The following PAK2 variants were observed in gnomAD, a reference collection of about 807,000 sequenced individuals.
The protein encoded by PAK2 is serine/threonine-protein kinase PAK 2.
A neutral mutation model predicts 65.9 loss-of-function variants in PAK2; 21 were observed. The ratio of observed to expected loss-of-function variants is 0.32; its 90% confidence interval spans 0.23 to 0.46. PAK2 has a LOEUF of 0.46. Ranked by LOEUF, PAK2 falls within the 20% of genes least tolerant of loss-of-function variation. The probability of loss-of-function intolerance (pLI) is 1.00; values close to 1 mark genes in which losing one functional copy is unlikely to be tolerated. For missense variants in PAK2, 324 were observed against 642.6 expected (o/e 0.50, Z 5.36); for synonymous variants, 204 against 219.7 (o/e 0.93, Z 0.63).
intron 1 of PAK2, among the ~76,000 whole-genome samples, chr3:196,763,615 G>C (rs995736272): frequency 6.6e-6 from 1 of 152,150 alleles, no homozygotes; most frequent in African/African-American, 2.4e-5. Flanking sequence ...GACAGTAAAA[G>C]AAGTATTTGA....
chr3:196,827,420 T>A (rs1478840758), intron 14 of PAK2, 87 bp downstream of exon 14: 6 of 1,532,478 alleles, frequency 3.9e-6, no homozygotes, highest in East Asian at 2.3e-5. Flanking sequence ...TAAGTAGATT[T>A]CACTACTCAT....
chr3:196,761,429 C>T (rs182511733), intron 1 of PAK2, among the ~76,000 whole-genome samples: 25,939 of 65,628 alleles, frequency 0.4, 5,286 homozygotes, highest in Non-Finnish European at 0.45. Context: ...TCCATTTAAC[C>T]CTGAGTGGAC....
chr3:196,830,742 C>T lies in PAK2; in HGVS notation c.*2337C>T, dbSNP rs1016704527. 6.6e-6 allele frequency: 1 copy of T among 152,102 alleles called. No individual in the cohort carries two copies. Among genetic ancestry groups the T allele is most frequent in the African/African-American group, 2.4e-5 (1 of 41,414 alleles). The allele number at this position is 152,102 out of a possible 1,614,324, so 9.4% of individuals were successfully genotyped here. On this transcript the variant is annotated 3_prime_UTR_variant, in exon 15 of 15. Transcript: ENST00000327134. ...TTCTTAAGTTACGTGGATAAACTAA[C>T]CTCTAACAGAAATATACTTTGGTTA...
chr3:196,827,175 A>G (rs369114655), intron 13 of PAK2, 21 bp from the exon 14 acceptor site: 3 of 1,561,114 alleles, frequency 1.9e-6, no homozygotes, highest in Admixed American at 1.8e-5. Flanking sequence ...AAGTGGATCA[A>G]AGATGTTCTT....
At chr3:196,785,118 A>T (rs762171266) in intron 2 of PAK2, 1 of 152,200 alleles carries the variant, frequency 6.6e-6, no homozygotes. Flanking sequence ...CCCAGATGAT[A>T]ATGATGTGCA....
At chr3:196,786,123 A>C (rs1714879845) in intron 2 of PAK2, among the ~76,000 whole-genome samples, 1 of 152,020 alleles carries the variant, frequency 6.6e-6, no homozygotes, top group Admixed American at 6.6e-5. Context: ...TATTTTAATG[A>C]ATAGAAGTTA....
chr3:196,782,769 C>T lies in PAK2; in HGVS notation c.123C>T (p.Pro41=), dbSNP rs7620283. Residue 41 remains proline (P), a synonymous_variant, in exon 2 of 15, where the codon CCC becomes CCT. Transcript: ENST00000327134. ...LSANHSLKPL[P]SVPEEKKPRH... is the part of the protein sequence containing the mutation. ...CCAATCACAGTTTGAAACCTTTGCC[C>T]TCTGTTCCAGAAGAGAAAAAGCCCA... The T allele has an allele frequency of 1.9e-3, 3,119 of 1,613,724 alleles. 38 individuals are homozygous for T. In the African/African-American group the frequency reaches 0.031, roughly 16 times the overall value.
At chr3:196,750,067 A>G (rs1201577672) in intron 1 of PAK2, among the ~76,000 whole-genome samples, 2 of 150,968 alleles carry the variant, frequency 1.3e-5, no homozygotes, top group Non-Finnish European at 1.5e-5. Flanking sequence ...GCTCACTGCA[A>G]CCTCCGCCTC....
rs144419620 is a variant in PAK2 at position 196,810,597 on chromosome 3, C to T, written c.717C>T (p.Ile239=). ...DEEIMEKLRT[I]VSIGDPKKKY... ...GCTTTTTGTTTATTCTAGGAACTAT[C>T]GTGAGCATAGGTGACCCTAAGAAAA... The change falls in exon 8 of 15, where the codon ATC becomes ATT. Residue 239 remains isoleucine (I), a synonymous_variant. Coordinates refer to ENST00000327134, the MANE Select transcript of PAK2 (RefSeq NM_002577.4). 4.4e-5 allele frequency: 68 copies of T among 1,561,208 alleles called. No homozygotes were observed. In the Middle Eastern group the frequency reaches 5.0e-4, roughly 12 times the overall value.
At chr3:196,760,704 A>G (rs1374165476) in intron 1 of PAK2, among the ~76,000 whole-genome samples, 1 of 152,160 alleles carries the variant, frequency 6.6e-6, no homozygotes, top group Admixed American at 6.5e-5. Context: ...TATCCAAATT[A>G]TTTGTGCTTT....
intron 2 of PAK2, among the ~76,000 whole-genome samples, chr3:196,801,569 G>A (rs9757382): frequency 0.26 from 40,242 of 152,014 alleles, 6,039 homozygotes; most frequent in African/African-American, 0.4. Flanking sequence ...TGCCGGGCAT[G>A]CGGTGGCTCA....
At position 196,806,664 on chromosome 3, in the gene PAK2, C is replaced by T. The variant is rs1306463565; in HGVS notation, c.554C>T (p.Pro185Leu). Residue 185 changes from proline (P) to leucine (L), a missense_variant, in exon 6 of 15, where the codon CCG becomes CTG. Transcript: ENST00000327134. ...GAGACTGCTCCTCCCGTTATTGCCC[C>T]GCGACCGGATCATACGAAATCAGTG... ...DEETAPPVIAPRPDHTKSIYT... is the reference protein window; with the variant it reads ...DEETAPPVIALRPDHTKSIYT... 7 of 1,606,540 alleles carry T rather than the reference C, an allele frequency of 4.4e-6. No homozygotes were observed. Among genetic ancestry groups the T allele is most frequent in the Non-Finnish European group, 5.1e-6 (6 of 1,173,214 alleles).
chr3:196,774,682 A>G (rs73892971), intron 1 of PAK2, among the ~76,000 whole-genome samples: 3,476 of 152,306 alleles, frequency 0.023, 142 homozygotes, highest in African/African-American at 0.078. Flanking sequence ...AGTGGCCCTA[A>G]TGCCAGAGTT....
At chr3:196,802,909 T>TAC in intron 3 of PAK2, 108 bp from the exon 4 acceptor site, 1 of 664,526 alleles carries the variant, frequency 1.5e-6, no homozygotes, top group Non-Finnish European at 2.4e-6. Flanking sequence ...TACTCAAACC[T>TAC]ACACTCAAAA....
At chr3:196,819,080 A>G (rs1267683836) in intron 12 of PAK2, among the ~76,000 whole-genome samples, 1 of 152,178 alleles carries the variant, frequency 6.6e-6, no homozygotes, top group African/African-American at 2.4e-5. Context: ...AACCAAAACT[A>G]TCTTAAGTGT....
At chr3:196,779,982 G>A (rs2108737370) in intron 1 of PAK2, among the ~76,000 whole-genome samples, 1 of 152,328 alleles carries the variant, frequency 6.6e-6, no homozygotes, top group East Asian at 1.9e-4. Context: ...ACTAAGCTTT[G>A]TCTTTCTTCT....
chr3:196,740,463 C>T (rs1026495562), intron 1 of PAK2, among the ~76,000 whole-genome samples: 1 of 151,984 alleles, frequency 6.6e-6, no homozygotes, highest in Non-Finnish European at 1.5e-5. Context: ...TGCCGACTCT[C>T]GGTCTTCCCT....
At chr3:196,792,392 T>A (rs1460695352) in intron 2 of PAK2, among the ~76,000 whole-genome samples, 1 of 152,052 alleles carries the variant, frequency 6.6e-6, no homozygotes, top group African/African-American at 2.4e-5. Flanking sequence ...GAGAGAGAGG[T>A]AATTTATGAT....
chr3:196,810,080 AC>A, intron 7 of PAK2, among the ~76,000 whole-genome samples: 1 of 152,108 alleles, frequency 6.6e-6, no homozygotes, highest in South Asian at 2.1e-4. Flanking sequence ...AGTCAGAAAG[AC>A]CATTTAGGGT....
Sources: gnomAD v4.1 joint callset for allele counts (sites outside exome capture counted in the v4.1 genomes callset) on GRCh38, gnomAD v4.1.1 for gene constraint, MANE v1.5 for transcripts, NCBI Gene and HGNC (gene_info 2026-07-23, HGNC 2026-07-21) for gene names.